The following CNTN1 variants were observed in gnomAD, a reference collection of about 807,000 sequenced individuals.
CNTN1 encodes contactin-1.
In CNTN1, 38 loss-of-function variants were observed where a neutral mutation model predicts 126.4. That is an observed-to-expected ratio of 0.30 (90% confidence interval 0.23 to 0.39). The LOEUF is 0.39. Among genes scored for constraint, CNTN1 ranks in the 10% least tolerant of loss-of-function variants. The pLI is 1.00. For missense variants in CNTN1, 1,009 were observed against 1,248.4 expected (o/e 0.81, Z 2.89); for synonymous variants, 413 against 422.6 (o/e 0.98, Z 0.28).
At chr12:40,870,489 C>A (rs1943448122) in intron 1 of CNTN1, among the ~76,000 whole-genome samples, 1 of 152,062 alleles carries the variant, frequency 6.6e-6, no homozygotes, top group African/African-American at 2.4e-5. Context: ...TTTCAACTTC[C>A]ATTTTTTTGA....
rs569907123 is a variant in CNTN1 at position 41,064,250 on chromosome 12, G to T, written c.2981-5709G>T. On this transcript the variant is annotated intron_variant, in intron 23 of 23. Transcript: ENST00000551295. ...AAAGCCAGAGACTTGGAAGATGCAG[G>T]CATTCAATTATCTGCTCCAGTGTGC... Among the ~76,000 whole-genome samples, 7 of 152,030 alleles carry T rather than the reference G, an allele frequency of 4.6e-5. No homozygotes were observed. In the South Asian group the frequency reaches 1.5e-3, roughly 32 times the overall value.
At chr12:41,007,971 T>C (rs59577561) in intron 17 of CNTN1, among the ~76,000 whole-genome samples, 2,187 of 152,336 alleles carry the variant, frequency 0.014, 19 homozygotes, top group Middle Eastern at 0.034. Flanking sequence ...CCAAGGACTC[T>C]CATTCAGTTA....
intron 23 of CNTN1, among the ~76,000 whole-genome samples, chr12:41,068,154 A>G (rs1950087851): frequency 6.6e-6 from 1 of 152,174 alleles, no homozygotes; most frequent in Non-Finnish European, 1.5e-5. Context: ...TTTGAATTCT[A>G]ATCCCTTCTC....
chr12:40,789,133 A>G (rs1276271187), intron 1 of CNTN1, among the ~76,000 whole-genome samples: 1 of 152,114 alleles, frequency 6.6e-6, no homozygotes. Flanking sequence ...GATTTTTTCC[A>G]TATATAGATA....
intron 1 of CNTN1, among the ~76,000 whole-genome samples, chr12:40,808,567 A>G (rs921574467): frequency 1.3e-5 from 2 of 152,228 alleles, no homozygotes; most frequent in Non-Finnish European, 2.9e-5. Context: ...TTTTAAAAAT[A>G]TAATTTAAAG....
chr12:41,042,803 T>G (rs911135457), intron 23 of CNTN1, among the ~76,000 whole-genome samples: 1 of 151,990 alleles, frequency 6.6e-6, no homozygotes, highest in Non-Finnish European at 1.5e-5. Context: ...AAAACAGAGA[T>G]ATAGATCAAT....
Position 40,944,635 on chromosome 12 carries a change from G to A in CNTN1, c.1683+465G>A, listed in dbSNP as rs965022122. Reference sequence around the variant, plus strand: ...AATTAGTTTATGTGATTTGAAGAGGGTTAAATGGCTATATTTTAAGAATTG... The same window carrying A: ...AATTAGTTTATGTGATTTGAAGAGGATTAAATGGCTATATTTTAAGAATTG... On this transcript the variant is annotated intron_variant, in intron 14 of 23. Coordinates refer to ENST00000551295, the MANE Select transcript of CNTN1 (RefSeq NM_001843.4). Among the ~76,000 whole-genome samples the A allele has an allele frequency of 4.6e-5, 7 of 151,948 alleles. No individual in the cohort carries two copies. In the East Asian group the frequency reaches 1.2e-3, roughly 25 times the overall value.
At chr12:41,018,834 T>C (rs1261395201) in intron 19 of CNTN1, among the ~76,000 whole-genome samples, 1 of 152,094 alleles carries the variant, frequency 6.6e-6, no homozygotes, top group Non-Finnish European at 1.5e-5. Flanking sequence ...CAAACTTATA[T>C]TCTCTATGCT....
chr12:40,886,104 G>C (rs1320714847), intron 1 of CNTN1, among the ~76,000 whole-genome samples: 2 of 151,864 alleles, frequency 1.3e-5, no homozygotes. Flanking sequence ...CATTTTCTTT[G>C]ATATCCTGGT....
chr12:40,941,613 T>C (rs1294390463), intron 12 of CNTN1, among the ~76,000 whole-genome samples: 2 of 152,138 alleles, frequency 1.3e-5, no homozygotes, highest in Non-Finnish European at 2.9e-5. Flanking sequence ...TTCTTTGTAA[T>C]TAGCAGAATT....
intron 1 of CNTN1, among the ~76,000 whole-genome samples, chr12:40,694,014 G>GTGTA (rs1427668738): frequency 5.3e-5 from 8 of 152,146 alleles, no homozygotes; most frequent in African/African-American, 1.9e-4. Context: ...CGGTTTCTAA[G>GTGTA]TGTACATATG....
intron 1 of CNTN1, among the ~76,000 whole-genome samples, chr12:40,825,280 T>C (rs1941575270): frequency 6.6e-6 from 1 of 152,168 alleles, no homozygotes; most frequent in African/African-American, 2.4e-5. Context: ...GAATCTTTGG[T>C]AGGATGCATT....
chr12:40,828,033 A>C, intron 1 of CNTN1: 1 of 152,154 alleles, frequency 6.6e-6, no homozygotes. Context: ...TGGAAGATGT[A>C]AATCTCCCAG....
intron 18 of CNTN1, among the ~76,000 whole-genome samples, chr12:41,014,645 T>G (rs1948738805): frequency 6.6e-6 from 1 of 152,170 alleles, no homozygotes; most frequent in Non-Finnish European, 1.5e-5. Flanking sequence ...AAGATTCCAT[T>G]TACAAACTTT....
chr12:40,811,425 A>T (rs973629796), intron 1 of CNTN1, among the ~76,000 whole-genome samples: 1 of 152,186 alleles, frequency 6.6e-6, no homozygotes, highest in Non-Finnish European at 1.5e-5. Flanking sequence ...CCTCATTAAA[A>T]TGAGTTTGAA....
intron 4 of CNTN1, among the ~76,000 whole-genome samples, chr12:40,920,756 AT>A (rs1005309802): frequency 6.6e-6 from 1 of 152,084 alleles, no homozygotes; most frequent in Non-Finnish European, 1.5e-5. Context: ...TGAGGCTTTC[AT>A]TATCTTGCCC....
At chr12:40,882,063 A>G (rs2136699928) in intron 1 of CNTN1, among the ~76,000 whole-genome samples, 1 of 151,840 alleles carries the variant, frequency 6.6e-6, no homozygotes, top group Middle Eastern at 3.4e-3. Context: ...TTTAATAGGC[A>G]TCAGATGTTG....
At chr12:40,749,833 G>C (rs148585039) in intron 1 of CNTN1, among the ~76,000 whole-genome samples, 153 of 152,098 alleles carry the variant, frequency 1.0e-3, no homozygotes, top group African/African-American at 3.5e-3. Context: ...GCGGTGTGAG[G>C]GGGAGAGCCT....
intron 1 of CNTN1, among the ~76,000 whole-genome samples, chr12:40,764,468 A>T (rs1938998003): frequency 6.6e-6 from 1 of 152,206 alleles, no homozygotes; most frequent in Non-Finnish European, 1.5e-5. Flanking sequence ...TATTGATGTT[A>T]GGCTCCTACT....
Sources: allele counts gnomAD v4.1 joint callset (sites outside exome capture counted in the v4.1 genomes callset), GRCh38; gene constraint gnomAD v4.1.1; transcripts MANE v1.5; gene names NCBI Gene and HGNC (gene_info 2026-07-23, HGNC 2026-07-21).